RYR2: variants seen among roughly 807,000 people sequenced by gnomAD.
The protein encoded by RYR2 is cardiac muscle ryanodine receptor-calcium release channel.
RYR2 carries 227 observed loss-of-function variants against 601.1 expected under a neutral mutation model. The observed-to-expected ratio is 0.38, with a 90% CI of 0.34 to 0.42. The LOEUF (loss-of-function observed/expected upper bound fraction) is 0.42. Ranked by LOEUF, RYR2 falls within the 10% of genes least tolerant of loss-of-function variation. The pLI is 1.00. For missense variants in RYR2, 4,646 were observed against 6,156.5 expected (o/e 0.75, Z 8.21); for synonymous variants, 2,223 against 2,175.1 (o/e 1.02, Z -0.61).
In RYR2 at chr1:237,678,086, G is replaced by T; in HGVS notation, c.8869G>T (p.Glu2957Ter). The T allele has an allele frequency of 6.2e-7, 1 of 1,605,406 alleles. No individual in the cohort carries two copies. Residue 2957 changes from glutamate (E) to a stop codon, truncating the protein, a stop_gained, in exon 61 of 105, where the codon GAA (glutamate) becomes TAA (stop). Coordinates refer to ENST00000366574, the MANE Select transcript of RYR2 (RefSeq NM_001035.3). LOFTEE classifies it high-confidence loss of function. ...AGGCAAAGGAGAACATTTCCCTTAT[G>T]AACAAGAAATCAAGTTCTTTGCAAA... ...SRGKGEHFPY[E>*]QEIKFFAKVV...
intron 71 of RYR2, among the ~76,000 whole-genome samples, chr1:237,716,540 C>G (rs550914423): frequency 6.6e-6 from 1 of 152,270 alleles, no homozygotes; most frequent in South Asian, 2.1e-4. Context: ...CCCTGTGTTA[C>G]TAGCATAAGC....
At chr1:237,149,318 C>CA (rs1298255576) in intron 1 of RYR2, among the ~76,000 whole-genome samples, 1 of 151,602 alleles carries the variant, frequency 6.6e-6, no homozygotes, top group African/African-American at 2.4e-5. Flanking sequence ...AAAACAAAAA[C>CA]AAAAACAAAA....
chr1:237,071,775 A>G (rs1411009957), intron 1 of RYR2, among the ~76,000 whole-genome samples: 2 of 152,194 alleles, frequency 1.3e-5, no homozygotes, highest in African/African-American at 4.8e-5. Context: ...CAAGATGCCC[A>G]GGCTGTGCAC....
intron 1 of RYR2, among the ~76,000 whole-genome samples, chr1:237,083,219 T>C (rs1467684378): frequency 6.6e-6 from 1 of 152,128 alleles, no homozygotes; most frequent in Non-Finnish European, 1.5e-5. Flanking sequence ...TGCTTTGAAG[T>C]GAGAGAGAAA....
chr1:237,074,995 T>C (rs1664827833), intron 1 of RYR2, among the ~76,000 whole-genome samples: 1 of 151,980 alleles, frequency 6.6e-6, no homozygotes, highest in South Asian at 2.1e-4. Flanking sequence ...GTTTGGGAGC[T>C]ATATTGATAG....
chr1:237,502,787 A>G (rs1664802169), intron 21 of RYR2, among the ~76,000 whole-genome samples: 1 of 151,960 alleles, frequency 6.6e-6, no homozygotes, highest in Admixed American at 6.6e-5. Flanking sequence ...GAATTTCATT[A>G]GGAAATTGGA....
At position 237,674,726 on chromosome 1, in the gene RYR2, T is replaced by C. The variant is rs1685249076; in HGVS notation, c.8715-5T>C. On this transcript the variant is annotated splice_polypyrimidine_tract_variant and splice_region_variant and intron_variant, in intron 59 of 104. Coordinates refer to ENST00000366574, the MANE Select transcript of RYR2 (RefSeq NM_001035.3). ...GCTTTCCCATTTTCATTTTTGCTCT[T>C]CCAGAGGATTTAAGGACCTGGAACT... The C allele has an allele frequency of 6.3e-7, 1 of 1,589,238 alleles. No homozygotes were observed. The highest frequency in any genetic ancestry group is 1.1e-5 in the South Asian group (1 of 90,196).
intron 24 of RYR2, among the ~76,000 whole-genome samples, chr1:237,516,832 C>T (rs991500502): frequency 3.9e-5 from 6 of 152,150 alleles, no homozygotes; most frequent in African/African-American, 9.7e-5. Flanking sequence ...GTCACTCTTC[C>T]TCCATCCTGC....
chr1:237,649,228 C>T (rs1682472856), intron 49 of RYR2, among the ~76,000 whole-genome samples: 1 of 152,176 alleles, frequency 6.6e-6, no homozygotes, highest in Non-Finnish European at 1.5e-5. Context: ...TTCATGTACT[C>T]ATTAATTTTA....
chr1:237,673,270 A>C (rs927369125), intron 58 of RYR2, among the ~76,000 whole-genome samples: 1 of 152,150 alleles, frequency 6.6e-6, no homozygotes, highest in Non-Finnish European at 1.5e-5. Flanking sequence ...TGCTGTTTTA[A>C]TAGCATTCTT....
At chr1:237,418,303 A>C (rs1449320287) in intron 11 of RYR2, among the ~76,000 whole-genome samples, 1 of 152,154 alleles carries the variant, frequency 6.6e-6, no homozygotes, top group East Asian at 1.9e-4. Flanking sequence ...CGGCCTCCCA[A>C]AGTGCTGGGA....
intron 1 of RYR2, among the ~76,000 whole-genome samples, chr1:237,054,736 C>T (rs1038524563): frequency 7.2e-5 from 11 of 152,022 alleles, no homozygotes; most frequent in Admixed American, 2.0e-4. Context: ...TTGTTTGAGT[C>T]GTATTTTTAC....
At chr1:237,382,875 T>C (rs1287526576) in intron 8 of RYR2, among the ~76,000 whole-genome samples, 1 of 151,570 alleles carries the variant, frequency 6.6e-6, no homozygotes, top group African/African-American at 2.4e-5. Context: ...ATATTACATT[T>C]GGAAAGAACA....
chr1:237,769,553 T>C (rs1481786172), intron 84 of RYR2, among the ~76,000 whole-genome samples: 1 of 152,176 alleles, frequency 6.6e-6, no homozygotes, highest in African/African-American at 2.4e-5. Flanking sequence ...GTTTTCAAAA[T>C]GGTTTTGCTT....
chr1:237,330,291 C>G (rs1202256846), intron 2 of RYR2, among the ~76,000 whole-genome samples: 1 of 152,222 alleles, frequency 6.6e-6, no homozygotes, highest in Non-Finnish European at 1.5e-5. Context: ...AGATACAGCT[C>G]CCAGGGCAAT....
chr1:237,394,418 G>C (rs1702644918), intron 10 of RYR2, among the ~76,000 whole-genome samples: 2 of 152,162 alleles, frequency 1.3e-5, no homozygotes, highest in African/African-American at 4.8e-5. Context: ...GTGGCAAACT[G>C]AGCTCCTGAA....
At position 237,780,918 on chromosome 1, in the gene RYR2, GC is replaced by G. The variant is rs1459168158; in HGVS notation, c.11881-646del. On this transcript the variant is annotated intron_variant, in intron 88 of 104. Coordinates refer to ENST00000366574, the MANE Select transcript of RYR2 (RefSeq NM_001035.3). ...AGTTAGAAAGTTAGAAGAAAAAAAT[GC>G]AGGCTTTTCAAATAAAAGATAAGAT... is the stretch of plus-strand genomic sequence containing the variant. 1.2e-4 allele frequency among the ~76,000 whole-genome samples: 18 copies of G among 152,286 alleles called. No homozygotes were observed. The East Asian group carries it at 3.5e-3, about 29-fold the overall frequency.
intron 71 of RYR2, among the ~76,000 whole-genome samples, chr1:237,715,174 G>T (rs969338309): frequency 2.4e-4 from 37 of 151,962 alleles, no homozygotes; most frequent in Non-Finnish European, 1.5e-5. Context: ...TAGCTTTAGC[G>T]GCTCTGTTTA....
chr1:237,509,473 TGAA>T (rs2150533772), intron 23 of RYR2, among the ~76,000 whole-genome samples: 1 of 152,344 alleles, frequency 6.6e-6, no homozygotes, highest in East Asian at 1.9e-4. Flanking sequence ...CTGGATTTTT[TGAA>T]GAAGAGGAAG....
Sources: allele counts gnomAD v4.1 joint callset (sites outside exome capture counted in the v4.1 genomes callset), GRCh38; gene constraint gnomAD v4.1.1; transcripts MANE v1.5; gene names NCBI Gene and HGNC (gene_info 2026-07-23, HGNC 2026-07-21).